DNAJC4: variants seen among roughly 807,000 people sequenced by gnomAD.
DNAJC4 encodes dnaJ homolog subfamily C member 4.
A neutral mutation model predicts 26.8 loss-of-function variants in DNAJC4; 26 were observed. The observed-to-expected ratio is 0.97, with a 90% CI of 0.71 to 1.34. DNAJC4 has a LOEUF of 1.34. Ranked by LOEUF, DNAJC4 falls within the 40% of genes most tolerant of loss-of-function variation. The pLI is 0.00. For synonymous variants in DNAJC4, 134 were observed against 127.8 expected (o/e 1.05, Z -0.33); for missense variants, 342 against 321.1 (o/e 1.07, Z -0.50).
At chr11:64,233,589 T>C (rs1268397561) in intron 4 of DNAJC4, 3 of 417,240 alleles carry the variant, frequency 7.2e-6, no homozygotes, top group Non-Finnish European at 1.3e-5. Context: ...TGCCCACTGC[T>C]AGCAGCCTGC....
intron 1 of DNAJC4, 56 bp downstream of exon 1, chr11:64,230,996 C>T (rs558475783): frequency 1.2e-5 from 18 of 1,530,628 alleles, no homozygotes; most frequent in Non-Finnish European, 1.4e-5. Flanking sequence ...GTTTGCCCTA[C>T]GTGCTGAGTT....
chr11:64,231,926 G>A lies in DNAJC4; in HGVS notation c.142G>A (p.Glu48Lys). ...LLGVHPGASTEEVKRAFFSKS... is the reference protein window; with the variant it reads ...LLGVHPGASTKEVKRAFFSKS... ...GGGGGTGCATCCTGGTGCCAGCACT[G>A]AGGAAGTTAAACGAGCTTTCTTCTC... The change falls in exon 2 of 6, where the codon GAG (glutamate) becomes AAG (lysine). Residue 48 changes from glutamate (E) to lysine (K), a missense_variant. Transcript: ENST00000628077. 1.9e-6 allele frequency: 3 copies of A among 1,614,112 alleles called. No individual in the cohort carries two copies. Among genetic ancestry groups the A allele is most frequent in the Non-Finnish European group, 8.5e-7 (1 of 1,180,010 alleles).
Position 64,230,813 on chromosome 11 carries a change from G to C in DNAJC4, c.-42G>C. The C allele has an allele frequency of 6.3e-7, 1 of 1,577,426 alleles. No individual in the cohort carries two copies. Among genetic ancestry groups the C allele is most frequent in the Non-Finnish European group, 8.6e-7 (1 of 1,163,898 alleles). ...AAGTCTAGCCCCATCCTGGTCCAATGCGCTCTTGGTAGCCTCCTTTCCCAG... is the reference window on the plus strand; with the variant it reads ...AAGTCTAGCCCCATCCTGGTCCAATCCGCTCTTGGTAGCCTCCTTTCCCAG... On this transcript the variant is annotated 5_prime_UTR_variant, in exon 1 of 6. The change abolishes an upstream ATG in the 5' untranslated region. Coordinates refer to ENST00000628077, the MANE Select transcript of DNAJC4 (RefSeq NM_005528.4).
intron 1 of DNAJC4, chr11:64,231,342 CTTTTTTTTT>C (rs35004947): frequency 6.8e-6 from 1 of 146,238 alleles, no homozygotes; most frequent in Non-Finnish European, 1.3e-5. Context: ...TCTCTTTTTC[CTTTTTTTTT>C]TTTTTTTTTG....
chr11:64,234,176 G>T lies in DNAJC4; in HGVS notation c.718G>T (p.Gly240Cys). Reference protein sequence around the residue: ...QGPEIVPRGAGP With the variant: ...QGPEIVPRGACP ...CCCCGAGATCGTGCCCCGGGGCGCCGGCCCCTGAGGGGCTCACCTGGATGG... is the reference window on the plus strand; with the variant it reads ...CCCCGAGATCGTGCCCCGGGGCGCCTGCCCCTGAGGGGCTCACCTGGATGG... The change falls in exon 6 of 6, where the codon GGC becomes TGC. Residue 240 changes from glycine (G) to cysteine (C), a missense_variant. Transcript: ENST00000628077. This position sits in a 1 kb window ranked among gnomAD's most constrained non-coding sequence, Gnocchi z 5.3. The T allele has an allele frequency of 6.4e-7, 1 of 1,560,244 alleles. No individual in the cohort carries two copies. Among genetic ancestry groups the T allele is most frequent in the African/African-American group, 1.3e-5 (1 of 74,252 alleles).
chr11:64,231,445 G>A (rs1268091315), intron 1 of DNAJC4, among the ~76,000 whole-genome samples: 4 of 149,412 alleles, frequency 2.7e-5, no homozygotes, highest in East Asian at 2.0e-4. Flanking sequence ...GGGTTCAAGC[G>A]ATTCTCCTGC....
Position 64,230,620 on chromosome 11 carries a change from C to A in DNAJC4, c.-235C>A. The A allele has an allele frequency of 1.6e-6, 1 of 640,268 alleles. No homozygotes were observed. The allele number at this position is 640,268 out of a possible 1,614,324, so 39.7% of individuals were successfully genotyped here. Reference sequence around the variant, plus strand: ...GGGTCCCTGGCTGGGTGGCCAGACCCCGAAGCCAGCGCTGGGAAGGGCTGC... The same window carrying A: ...GGGTCCCTGGCTGGGTGGCCAGACCACGAAGCCAGCGCTGGGAAGGGCTGC... On this transcript the variant is annotated 5_prime_UTR_variant, in exon 1 of 6. Coordinates refer to ENST00000628077, the MANE Select transcript of DNAJC4 (RefSeq NM_005528.4).
In DNAJC4 at chr11:64,230,715, C is replaced by A. The variant is rs1422390498; in HGVS notation, c.-140C>A. ...TCTGGTCCTGGGCAAGAACCGCCCC[C>A]TCTCCGGGCCTGCTTCAGTCTTCCT... is the stretch of plus-strand genomic sequence containing the variant. On this transcript the variant is annotated 5_prime_UTR_variant, in exon 1 of 6. Coordinates refer to ENST00000628077, the MANE Select transcript of DNAJC4 (RefSeq NM_005528.4). The A allele has an allele frequency of 4.1e-6, 5 of 1,218,586 alleles. No homozygotes were observed. Among genetic ancestry groups the A allele is most frequent in the Non-Finnish European group, 5.8e-6 (5 of 865,574 alleles). 75.5% of individuals were successfully genotyped at this position (1,218,586 alleles called of 1,614,324 possible). A position where few individuals can be genotyped will look rare whatever the true frequency, so the allele number is the denominator to read the frequency against.
Position 64,234,041 on chromosome 11 carries a change from T to C in DNAJC4, c.615-32T>C. Reference sequence around the variant, plus strand: ...TCCAGGAACCACACTTCGGGATCCCTATCCCAACCACCCAGGTGCCCTCTC... The same window carrying C: ...TCCAGGAACCACACTTCGGGATCCCCATCCCAACCACCCAGGTGCCCTCTC... On this transcript the variant is annotated intron_variant, in intron 5 of 5. Coordinates refer to ENST00000628077, the MANE Select transcript of DNAJC4 (RefSeq NM_005528.4). This position sits in a 1 kb window ranked among gnomAD's most constrained non-coding sequence, Gnocchi z 5.3. 1.2e-6 allele frequency: 2 copies of C among 1,613,762 alleles called. No homozygotes were observed. Among genetic ancestry groups the C allele is most frequent in the Non-Finnish European group, 1.7e-6 (2 of 1,180,000 alleles).
intron 4 of DNAJC4, chr11:64,233,150 G>A (rs1000475163): frequency 3.0e-6 from 1 of 332,174 alleles, no homozygotes; most frequent in African/African-American, 2.1e-5. Flanking sequence ...AGCAGCAAAT[G>A]CAGCACAGCT....
rs776855176 is a variant in DNAJC4, at chr11:64,232,713, A to T, written c.375A>T (p.Thr125=). The T allele has an allele frequency of 1.5e-5, 24 of 1,589,736 alleles. No individual in the cohort carries two copies. The South Asian group carries it at 2.7e-4, about 18-fold the overall frequency. ...CTCTGCCTCCCAGCAGCTCCTGGAC[A>T]CCCCCCAACGCACAGTACTGGTCCC... ...KSAHQTHSSW[T]PPNAQYWSQF... The change falls in exon 4 of 6, where the codon ACA becomes ACT. Residue 125 remains threonine (T), a synonymous_variant. Coordinates refer to ENST00000628077, the MANE Select transcript of DNAJC4 (RefSeq NM_005528.4).
At chr11:64,233,020 C>A in intron 4 of DNAJC4, 155 bp downstream of exon 4, 1 of 795,312 alleles carries the variant, frequency 1.3e-6, no homozygotes, top group Non-Finnish European at 1.8e-6. Context: ...CCTCTCCTTA[C>A]TTATTAAAGG....
Position 64,232,537 on chromosome 11 carries a change from T to C in DNAJC4, c.288T>C (p.Asp96=), listed in dbSNP as rs1219414525. The change falls in exon 3 of 6, where the codon GAT becomes GAC. Residue 96 remains aspartate (D), a synonymous_variant. Transcript: ENST00000628077. The stretch of plus-strand genomic sequence containing the variant: ...GTGAGCAGAGCCGCCGCAGCTATGA[T>C]GACCAGCTCCGCTCAGGTAGTCCCC... ...LSREQSRRSY[D]DQLRSGSPPK... The C allele has an allele frequency of 6.2e-7, 1 of 1,613,194 alleles. No individual in the cohort carries two copies. The highest frequency in any genetic ancestry group is 1.3e-5 in the African/African-American group (1 of 74,866).
At chr11:64,232,301 C>T in intron 2 of DNAJC4, 129 bp from the exon 3 acceptor site, 1 of 1,226,544 alleles carries the variant, frequency 8.2e-7, no homozygotes, top group East Asian at 2.5e-5. Flanking sequence ...AGTGGGCAGG[C>T]CTGAGTGAGG....
chr11:64,231,640 A>G (rs1385541564), intron 1 of DNAJC4: 5 of 503,828 alleles, frequency 9.9e-6, no homozygotes, highest in African/African-American at 1.9e-5. Flanking sequence ...GCGCCTGTCC[A>G]GGAATCAGTT....
At chr11:64,232,891 T>TGGGCAGA (rs1349478039) in intron 4 of DNAJC4, 26 bp downstream of exon 4, 1 of 1,546,456 alleles carries the variant, frequency 6.5e-7, no homozygotes, top group Non-Finnish European at 8.8e-7. Flanking sequence ...CCCGGGGTGA[T>TGGGCAGA]GGGCAGAGGG....
Position 64,230,774 on chromosome 11 carries a change from C to A in DNAJC4, c.-81C>A. The A allele has an allele frequency of 6.6e-7, 1 of 1,518,890 alleles. No homozygotes were observed. The highest frequency in any genetic ancestry group is 8.9e-7 in the Non-Finnish European group (1 of 1,124,974). The allele number at this position is 1,518,890 out of a possible 1,614,324, so 94.1% of individuals were successfully genotyped here. A position where few individuals can be genotyped will look rare whatever the true frequency, so the allele number is the denominator to read the frequency against. ...CAACGGGCCAGGCCCCTTCCCTCTG[C>A]CCCCGGGTGCTTGAAGTCTAGCCCC... On this transcript the variant is annotated 5_prime_UTR_variant, in exon 1 of 6. Coordinates refer to ENST00000628077, the MANE Select transcript of DNAJC4 (RefSeq NM_005528.4).
Position 64,230,700 on chromosome 11 carries a change from G to A in DNAJC4, c.-155G>A, listed in dbSNP as rs1372991398. ...CCAAGGACACGCGGGTCTGGTCCTG[G>A]GCAAGAACCGCCCCCTCTCCGGGCC... On this transcript the variant is annotated 5_prime_UTR_variant, in exon 1 of 6. Coordinates refer to ENST00000628077, the MANE Select transcript of DNAJC4 (RefSeq NM_005528.4). The A allele has an allele frequency of 4.8e-6, 5 of 1,044,838 alleles. No homozygotes were observed. Among genetic ancestry groups the A allele is most frequent in the Non-Finnish European group, 7.0e-6 (5 of 711,452 alleles). 64.7% of individuals were successfully genotyped at this position (1,044,838 alleles called of 1,614,324 possible). A position where few individuals can be genotyped will look rare whatever the true frequency, so the allele number is the denominator to read the frequency against.
In DNAJC4 at chr11:64,232,801, C is replaced by T; in HGVS notation, c.463C>T (p.Gln155Ter). 6.2e-7 allele frequency: 1 copy of T among 1,613,358 alleles called. No homozygotes were observed. The highest frequency in any genetic ancestry group is 1.7e-5 in the Admixed American group (1 of 59,894). ...LRQQQHKQNK[Q>*]VLGYCLLLML... is the part of the protein sequence containing the mutation. ...GCAGCAGCAACACAAACAAAACAAA[C>T]AAGTGCTGGGGTACTGCCTCCTCCT... Residue 155 changes from glutamine (Q) to a stop codon, truncating the protein, a stop_gained, in exon 4 of 6, where the codon CAA becomes TAA. Transcript: ENST00000628077. LOFTEE classifies it high-confidence loss of function.
Sources: allele counts gnomAD v4.1 joint callset (sites outside exome capture counted in the v4.1 genomes callset), GRCh38; gene constraint gnomAD v4.1.1; non-coding constraint Gnocchi (gnomAD v3.1); transcripts MANE v1.5; gene names NCBI Gene and HGNC (gene_info 2026-07-23, HGNC 2026-07-21).